The following SLC36A1 variants were observed in gnomAD, a reference collection of about 807,000 sequenced individuals.
SLC36A1 encodes the protein proton-coupled amino acid transporter 1.
A neutral mutation model predicts 47.5 loss-of-function variants in SLC36A1; 30 were observed. The observed-to-expected ratio is 0.63, with a 90% CI of 0.47 to 0.86. SLC36A1 has a LOEUF of 0.86. Among genes scored for constraint, SLC36A1 ranks in the 40% least tolerant of loss-of-function variants. SLC36A1 has a pLI of 0.00. For missense variants in SLC36A1, 517 were observed against 606.0 expected, an observed-to-expected ratio of 0.85 and a Z score of 1.54; for synonymous variants, 255 against 249.7, an observed-to-expected ratio of 1.02 and a Z score of -0.20.
chr5:151,406,794 T>G, the SLC36A1 span, among the ~76,000 whole-genome samples: 1 of 152,132 alleles, frequency 6.6e-6, no homozygotes, highest in Non-Finnish European at 1.5e-5. Flanking sequence ...TCAGTTCTAG[T>G]GTGTCCGGAA....
chr5:151,548,811 T>C, the SLC36A1 span, among the ~76,000 whole-genome samples: 1 of 152,124 alleles, frequency 6.6e-6, no homozygotes, highest in Non-Finnish European at 1.5e-5. Context: ...ATCTTTGCAA[T>C]GACTTTCTGG....
At chr5:151,387,370 T>A in the SLC36A1 span, 1 of 152,142 alleles carries the variant, frequency 6.6e-6, no homozygotes, top group African/African-American at 2.4e-5. Flanking sequence ...TTGCTTCCAA[T>A]AACCCCCTAA....
chr5:151,521,311 G>T, the SLC36A1 span: 1 of 1,611,948 alleles, frequency 6.2e-7, no homozygotes, highest in Admixed American at 1.7e-5. Context: ...GTGGTGCCGC[G>T]GGGTTAGGAT....
Position 151,467,297 on chromosome 5 carries a change from T to C in SLC36A1, c.504+14T>C. 8.7e-7 allele frequency: 1 copy of C among 1,148,020 alleles called. No homozygotes were observed. Among genetic ancestry groups the C allele is most frequent in the Non-Finnish European group, 1.2e-6 (1 of 860,688 alleles). The allele number at this position is 1,148,020 out of a possible 1,614,324, so 71.1% of individuals were successfully genotyped here. A position where few individuals can be genotyped will look rare whatever the true frequency, so the allele number is the denominator to read the frequency against. ...AACTTTAAACAGGTAGGCACCTGGT[T>C]AAAAAAGAAAAAAAAAAAAAAAACC... is the stretch of plus-strand genomic sequence containing the variant. On this transcript the variant is annotated intron_variant, in intron 6 of 10. Coordinates refer to ENST00000243389, the MANE Select transcript of SLC36A1 (RefSeq NM_078483.4).
At chr5:151,354,212 G>C in the SLC36A1 span, among the ~76,000 whole-genome samples, 1 of 152,210 alleles carries the variant, frequency 6.6e-6, no homozygotes, top group Non-Finnish European at 1.5e-5. Flanking sequence ...GCTGAGGCAG[G>C]AGAATCACGT....
At chr5:151,477,555 T>C (rs1318266837) in intron 9 of SLC36A1, 1 of 152,382 alleles carries the variant, frequency 6.6e-6, no homozygotes, top group Non-Finnish European at 1.5e-5. Flanking sequence ...ATTGAGCACA[T>C]TCAGAATGGT....
intron 7 of SLC36A1, among the ~76,000 whole-genome samples, chr5:151,473,448 A>G (rs1757606592): frequency 1.3e-5 from 2 of 152,126 alleles, no homozygotes; most frequent in Non-Finnish European, 2.9e-5. Context: ...TTTTAATAGT[A>G]CCTTGGGCTT....
At chr5:151,367,374 T>TTTTTTC in the SLC36A1 span, among the ~76,000 whole-genome samples, 10 of 145,462 alleles carry the variant, frequency 6.9e-5, no homozygotes, top group African/African-American at 1.3e-4. Context: ...TTTTTTTTTT[T>TTTTTTC]CCCCAGGGTA....
At chr5:151,415,779 G>A in the SLC36A1 span, among the ~76,000 whole-genome samples, 17 of 152,090 alleles carry the variant, frequency 1.1e-4, no homozygotes, top group Non-Finnish European at 1.9e-4. Context: ...ATGAGGCCCC[G>A]TTTCTCTATG....
At chr5:151,524,253 G>A in the SLC36A1 span, among the ~76,000 whole-genome samples, 7 of 152,194 alleles carry the variant, frequency 4.6e-5, no homozygotes, top group Admixed American at 3.3e-4. Context: ...GCCCTGGTTT[G>A]TCAAGGACAG....
chr5:151,506,128 C>G, the SLC36A1 span: 2 of 1,492,448 alleles, frequency 1.3e-6, no homozygotes, highest in Non-Finnish European at 1.8e-6. Context: ...AGGGTGAGCT[C>G]ATTTTCTCCC....
At position 151,474,159 on chromosome 5, in the gene SLC36A1, C is replaced by CAAAAAAAAAAAAAAAA. The variant is rs1156305401; in HGVS notation, c.822+393_822+408dup. On this transcript the variant is annotated intron_variant, in intron 8 of 10. Coordinates refer to ENST00000243389, the MANE Select transcript of SLC36A1 (RefSeq NM_078483.4). ...TGGGTGACAGAGCGAGACTCTGTCTCAAAAAAAAAAAAAAAAAAAAGAAAT... is the reference window on the plus strand; with the variant it reads ...TGGGTGACAGAGCGAGACTCTGTCTCAAAAAAAAAAAAAAAAAAAAAAAAAAAAAAAAAAAAGAAAT... Among the ~76,000 whole-genome samples the CAAAAAAAAAAAAAAAA allele has an allele frequency of 3.9e-3, 233 of 59,854 alleles. 18 individuals are homozygous for CAAAAAAAAAAAAAAAA. The highest frequency in any genetic ancestry group is 0.019 in the African/African-American group (225 of 11,902). 39.3% of individuals were successfully genotyped at this position (59,854 alleles called of 152,430 possible). A position where few individuals can be genotyped will look rare whatever the true frequency, so the allele number is the denominator to read the frequency against.
At chr5:151,355,069 C>G in the SLC36A1 span, among the ~76,000 whole-genome samples, 1 of 152,104 alleles carries the variant, frequency 6.6e-6, no homozygotes, top group African/African-American at 2.4e-5. Context: ...CTGTAACCAG[C>G]AAAAAGTCTG....
the SLC36A1 span, chr5:151,546,330 G>A: frequency 3.3e-4 from 536 of 1,610,334 alleles, 4 homozygotes; most frequent in South Asian, 4.8e-3. Flanking sequence ...AGAAACCTTC[G>A]CTGTTCCCTG....
chr5:151,483,929 G>GAGGA (rs1208095456), intron 10 of SLC36A1, among the ~76,000 whole-genome samples: 29 of 152,218 alleles, frequency 1.9e-4, no homozygotes, highest in African/African-American at 7.0e-4. Context: ...CTGGCTTTAA[G>GAGGA]AGGAGAGAAA....
chr5:151,432,312 A>G (rs1420822398), upstream of SLC36A1, among the ~76,000 whole-genome samples: 5 of 152,204 alleles, frequency 3.3e-5, no homozygotes, highest in Non-Finnish European at 7.4e-5. Flanking sequence ...TGCTCTTGCA[A>G]AGGCGGTCAG....
chr5:151,458,341 T>TATATATACACATACACTTG lies in SLC36A1; in HGVS notation c.-5-447_-5-446insATATATACACATACACTTG, dbSNP rs1561738201. Among the ~76,000 whole-genome samples, 24 of 108,492 alleles carry TATATATACACATACACTTG rather than the reference T, an allele frequency of 2.2e-4. 1 individual carries two copies. The East Asian group carries it at 5.5e-3, about 25-fold the overall frequency. The allele number at this position is 108,492 out of a possible 152,430, so 71.2% of individuals were successfully genotyped here. A position where few individuals can be genotyped will look rare whatever the true frequency, so the allele number is the denominator to read the frequency against. On this transcript the variant is annotated intron_variant, in intron 1 of 10. Coordinates refer to ENST00000243389, the MANE Select transcript of SLC36A1 (RefSeq NM_078483.4). ...ATATATATATATATATATGGGATATTTATATATATATATATACACACACGA... is the reference window on the plus strand; with the variant it reads ...ATATATATATATATATATGGGATATTATATATACACATACACTTGTATATATATATATATACACACACGA...
At chr5:151,525,762 T>C in the SLC36A1 span, 2 of 1,614,082 alleles carry the variant, frequency 1.2e-6, no homozygotes, top group Non-Finnish European at 1.7e-6. Flanking sequence ...CTAGCACAGC[T>C]CTCACCTGGA....
the SLC36A1 span, among the ~76,000 whole-genome samples, chr5:151,353,942 A>G: frequency 6.6e-6 from 1 of 152,138 alleles, no homozygotes; most frequent in African/African-American, 2.4e-5. Context: ...TGAATTTACC[A>G]CAGTTTATTT....
Sources: allele counts gnomAD v4.1 joint callset (sites outside exome capture counted in the v4.1 genomes callset), GRCh38; gene constraint gnomAD v4.1.1; transcripts MANE v1.5; gene names NCBI Gene and HGNC (gene_info 2026-07-23, HGNC 2026-07-21).